The following ZC2HC1A variants were observed in gnomAD, a reference collection of about 807,000 sequenced individuals.
ZC2HC1A encodes the protein zinc finger C2HC-type containing 1A.
In ZC2HC1A, 28 loss-of-function variants were observed where a neutral mutation model predicts 40.7. The ratio of observed to expected loss-of-function variants is 0.69; its 90% confidence interval spans 0.51 to 0.94. The LOEUF (loss-of-function observed/expected upper bound fraction) is 0.94, where lower values mean the gene tolerates loss of function less well. ZC2HC1A is among the 40% of genes least tolerant of loss of function. The probability of loss-of-function intolerance (pLI) is 0.00; values close to 1 mark genes in which losing one functional copy is unlikely to be tolerated. For missense variants in ZC2HC1A, 389 were observed against 386.3 expected, an observed-to-expected ratio of 1.01 and a Z score of -0.06; for synonymous variants, 129 against 129.2, an observed-to-expected ratio of 1.00 and a Z score of 0.01.
intron 6 of ZC2HC1A, 65 bp from the exon 7 acceptor site, chr8:78,698,349 T>C: frequency 7.7e-7 from 1 of 1,294,596 alleles, no homozygotes; most frequent in African/African-American, 1.5e-5. Flanking sequence ...TTTCCTTTGT[T>C]AGATGCTCTG....
intron 8 of ZC2HC1A, among the ~76,000 whole-genome samples, chr8:78,716,070 A>G (rs1024675735): frequency 3.3e-5 from 5 of 149,480 alleles, no homozygotes; most frequent in Middle Eastern, 3.3e-3. Context: ...GTTATAGTGT[A>G]TAGTTCATCT....
At chr8:78,672,604 C>T (rs926275894) in intron 1 of ZC2HC1A, among the ~76,000 whole-genome samples, 5 of 151,930 alleles carry the variant, frequency 3.3e-5, no homozygotes, top group African/African-American at 7.3e-5. Flanking sequence ...AGTAATTTAC[C>T]GTAGAGATAA....
At chr8:78,717,183 G>A in intron 8 of ZC2HC1A, 145 bp from the exon 9 acceptor site, 1 of 683,290 alleles carries the variant, frequency 1.5e-6, no homozygotes, top group Non-Finnish European at 2.3e-6. Flanking sequence ...TTACTAACAA[G>A]GATTTTTTAA....
At chr8:78,683,497 G>A (rs1411194895) in intron 3 of ZC2HC1A, among the ~76,000 whole-genome samples, 2 of 152,170 alleles carry the variant, frequency 1.3e-5, no homozygotes, top group South Asian at 4.1e-4. Context: ...TTTTAGCCAT[G>A]CCTGGAGCAG....
chr8:78,713,809 A>G (rs555550522), intron 7 of ZC2HC1A, among the ~76,000 whole-genome samples: 1 of 152,330 alleles, frequency 6.6e-6, no homozygotes, highest in Admixed American at 6.5e-5. Flanking sequence ...TAGTAGCCTC[A>G]CAATTTATAT....
At chr8:78,678,045 C>T (rs1177432380) in intron 2 of ZC2HC1A, among the ~76,000 whole-genome samples, 1 of 152,074 alleles carries the variant, frequency 6.6e-6, no homozygotes, top group East Asian at 1.9e-4. Context: ...GTGAGAATGA[C>T]CAGAGGTCAC....
chr8:78,711,434 GT>G (rs946110244), intron 7 of ZC2HC1A, among the ~76,000 whole-genome samples: 5 of 148,730 alleles, frequency 3.4e-5, no homozygotes, highest in South Asian at 2.1e-4. Context: ...TGTCATCCAT[GT>G]TTTTTTTTTC....
intron 7 of ZC2HC1A, among the ~76,000 whole-genome samples, chr8:78,708,918 G>A (rs980334310): frequency 2.0e-5 from 3 of 151,858 alleles, no homozygotes; most frequent in Non-Finnish European, 4.4e-5. Context: ...CATCCACCTC[G>A]GTTTCCCAAA....
At chr8:78,701,613 A>G (rs1810606778) in intron 7 of ZC2HC1A, among the ~76,000 whole-genome samples, 2 of 152,156 alleles carry the variant, frequency 1.3e-5, no homozygotes, top group Admixed American at 6.5e-5. Flanking sequence ...CCCATTCAGT[A>G]TGATGTTGGC....
In ZC2HC1A at chr8:78,686,262, CACTT is replaced by C. The variant is rs559631846; in HGVS notation, c.211-202_211-199del. ...AGTTTAGTAGTGTCTTTCGCGATGA[CACTT>C]ACATTAAGAAATTGAATATAAAATT... On this transcript the variant is annotated intron_variant, in intron 3 of 8. Coordinates refer to ENST00000263849, the MANE Select transcript of ZC2HC1A (RefSeq NM_016010.3). 3.3e-5 allele frequency among the ~76,000 whole-genome samples: 5 copies of C among 152,220 alleles called. No homozygotes were observed. The East Asian group carries it at 5.8e-4, about 18-fold the overall frequency.
rs952759853 is a variant in ZC2HC1A at position 78,719,061 on chromosome 8, A to G, written c.*1568A>G. On this transcript the variant is annotated 3_prime_UTR_variant, in exon 9 of 9. Coordinates refer to ENST00000263849, the MANE Select transcript of ZC2HC1A (RefSeq NM_016010.3). ...TTTTTCCCCTCAGTTATCTTTATTC[A>G]GTCTTATTGGTCAAAACAAAGAAAC... The G allele has an allele frequency of 1.2e-4, 18 of 151,742 alleles. No homozygotes were observed. Among genetic ancestry groups the G allele is most frequent in the African/African-American group, 3.9e-4 (16 of 41,420 alleles). 9.4% of individuals were successfully genotyped at this position (151,742 alleles called of 1,614,324 possible).
chr8:78,700,079 C>A (rs916545378), intron 7 of ZC2HC1A, among the ~76,000 whole-genome samples: 4 of 152,200 alleles, frequency 2.6e-5, no homozygotes, highest in African/African-American at 4.8e-5. Flanking sequence ...TACATTCCCA[C>A]CAGCAATGTA....
Position 78,686,588 on chromosome 8 carries a change from C to G in ZC2HC1A, c.332C>G (p.Pro111Arg). The G allele has an allele frequency of 6.6e-7, 1 of 1,526,358 alleles. No homozygotes were observed. Among genetic ancestry groups the G allele is most frequent in the Non-Finnish European group, 8.8e-7 (1 of 1,137,254 alleles). 94.6% of individuals were successfully genotyped at this position (1,526,358 alleles called of 1,614,324 possible). A position where few individuals can be genotyped will look rare whatever the true frequency, so the allele number is the denominator to read the frequency against. ...GAGGGTGGCAAACTTCCTCCTCCTC[C>G]TCCACCTTCTTATGATCCTGGTATT... ...LKEGGKLPPP[P>R]PPSYDPDYIQ... The change falls in exon 4 of 9, where the codon CCT becomes CGT. Residue 111 changes from proline (P) to arginine (R), a missense_variant. Pro to Arg is a moderately radical substitution (Grantham distance 103, BLOSUM62 -2). Coordinates refer to ENST00000263849, the MANE Select transcript of ZC2HC1A (RefSeq NM_016010.3).
chr8:78,698,319 A>G (rs943681664), intron 6 of ZC2HC1A, 95 bp from the exon 7 acceptor site: 1 of 1,017,922 alleles, frequency 9.8e-7, no homozygotes, highest in Non-Finnish European at 1.4e-6. Context: ...ATAGTTGCAA[A>G]GATTATTACT....
chr8:78,713,049 TG>T (rs1214852172), intron 7 of ZC2HC1A, among the ~76,000 whole-genome samples: 1 of 152,140 alleles, frequency 6.6e-6, no homozygotes, highest in Non-Finnish European at 1.5e-5. Context: ...CTGATTCTAC[TG>T]TCAGAACTCT....
intron 7 of ZC2HC1A, among the ~76,000 whole-genome samples, chr8:78,703,356 C>G (rs1810667984): frequency 6.6e-6 from 1 of 152,064 alleles, no homozygotes; most frequent in African/African-American, 2.4e-5. Flanking sequence ...GATAATCTGT[C>G]TAATATTGTC....
At chr8:78,672,482 A>AT (rs1031468347) in intron 1 of ZC2HC1A, among the ~76,000 whole-genome samples, 1 of 151,956 alleles carries the variant, frequency 6.6e-6, no homozygotes, top group South Asian at 2.1e-4. Flanking sequence ...AGAGAAAACG[A>AT]TTTTTTTTAC....
chr8:78,714,811 T>G (rs896353974), intron 7 of ZC2HC1A, among the ~76,000 whole-genome samples: 1 of 151,894 alleles, frequency 6.6e-6, no homozygotes, highest in African/African-American at 2.4e-5. Flanking sequence ...GCAAAAAAAT[T>G]CTTTTTTTAA....
chr8:78,687,809 TAATA>T lies in ZC2HC1A; in HGVS notation c.352+1206_352+1209del, dbSNP rs981340011. Among the ~76,000 whole-genome samples the T allele has an allele frequency of 5.9e-5, 8 of 136,186 alleles. 1 individual carries two copies. In the South Asian group the frequency reaches 6.5e-4, roughly 11 times the overall value. The allele number at this position is 136,186 out of a possible 152,430, so 89.3% of individuals were successfully genotyped here. A position where few individuals can be genotyped will look rare whatever the true frequency, so the allele number is the denominator to read the frequency against. ...ACGTAATACATTATATATATTCATGTAATAAATATATATATTCATGTAATAAATT... is the reference window on the plus strand; with the variant it reads ...ACGTAATACATTATATATATTCATGTAATATATATATTCATGTAATAAATT... On this transcript the variant is annotated intron_variant, in intron 4 of 8. Transcript: ENST00000263849.
Sources: gnomAD v4.1 joint callset for allele counts (sites outside exome capture counted in the v4.1 genomes callset) on GRCh38, gnomAD v4.1.1 for gene constraint, MANE v1.5 for transcripts, NCBI Gene and HGNC (gene_info 2026-07-23, HGNC 2026-07-21) for gene names.